Variants in CLCN3 observed in about 807,000 individuals in gnomAD.
CLCN3 encodes Cl-/H+ antiporter 3, also known as H(+)/Cl(-) exchange transporter 3.
CLCN3 carries 16 observed loss-of-function variants against 83.4 expected under a neutral mutation model. The ratio of observed to expected loss-of-function variants is 0.19; its 90% CI spans 0.13 to 0.29. The LOEUF is 0.29. Among genes scored for constraint, CLCN3 ranks in the 10% least tolerant of loss-of-function variants. The pLI, the probability that CLCN3 is intolerant of heterozygous loss-of-function variation, is 1.00. For missense variants in CLCN3, 544 were observed against 1,006.0 expected (o/e 0.54, Z 6.21); for synonymous variants, 322 against 346.2 (o/e 0.93, Z 0.78).
intron 6 of CLCN3, among the ~76,000 whole-genome samples, chr4:169,691,427 G>C (rs558317603): frequency 2.0e-4 from 31 of 152,096 alleles, no homozygotes; most frequent in Middle Eastern, 6.8e-3. Context: ...AATCACAGTG[G>C]GTCAACAGTA....
chr4:169,663,959 T>A (rs551194597), intron 2 of CLCN3, among the ~76,000 whole-genome samples: 242 of 152,288 alleles, frequency 1.6e-3, no homozygotes, highest in Non-Finnish European at 2.7e-3. Context: ...TCCCCCAAAG[T>A]CCCAAGAACA....
rs528635196 is a variant in CLCN3 at position 169,640,850 on chromosome 4, G to T, written c.160+4762G>T. On this transcript the variant is annotated intron_variant, in intron 2 of 12. Transcript: ENST00000513761. ...GATTGACTGATGGGGTAAAAACTGT[G>T]ATCAGCCATGTTTAAGCAAATTAAC... is the stretch of plus-strand genomic sequence containing the variant. Among the ~76,000 whole-genome samples, 8 of 152,274 alleles carry T rather than the reference G, an allele frequency of 5.3e-5. No homozygotes were observed. In the South Asian group the frequency reaches 1.2e-3, roughly 24 times the overall value.
intron 3 of CLCN3, among the ~76,000 whole-genome samples, chr4:169,683,798 C>G (rs1732043902): frequency 2.7e-5 from 4 of 148,006 alleles, no homozygotes; most frequent in Admixed American, 2.0e-4. Context: ...GGCTGAAGTT[C>G]AGTGGTGCGA....
At chr4:169,647,217 C>G (rs1385165235) in intron 2 of CLCN3, among the ~76,000 whole-genome samples, 1 of 152,220 alleles carries the variant, frequency 6.6e-6, no homozygotes, top group East Asian at 1.9e-4. Flanking sequence ...TGGCGAAACC[C>G]TGTCTCTACA....
At chr4:169,679,773 C>G (rs542236276) in intron 2 of CLCN3, among the ~76,000 whole-genome samples, 215 of 152,268 alleles carry the variant, frequency 1.4e-3, no homozygotes, top group African/African-American at 4.9e-3. Flanking sequence ...GCCTGCAATC[C>G]CAGGCACTCG....
In CLCN3 at chr4:169,660,305, A is replaced by C. The variant is rs1731008480; in HGVS notation, c.161-19745A>C. Reference sequence around the variant, plus strand: ...CTGCAGCAGGGATGGAAGAAATGTCACTTTCTTTTTAAGCTAGCAAGCTTT... The same window carrying C: ...CTGCAGCAGGGATGGAAGAAATGTCCCTTTCTTTTTAAGCTAGCAAGCTTT... On this transcript the variant is annotated intron_variant, in intron 2 of 12. Coordinates refer to ENST00000513761, the MANE Select transcript of CLCN3 (RefSeq NM_001829.4). The C allele has an allele frequency of 2.1e-5, 28 of 1,340,786 alleles. 1 individual carries two copies. In the South Asian group the frequency reaches 5.2e-4, roughly 25 times the overall value. 83.1% of individuals were successfully genotyped at this position (1,340,786 alleles called of 1,614,324 possible).
At chr4:169,635,838 C>G in intron 1 of CLCN3, 75 bp from the exon 2 acceptor site, 1 of 1,210,424 alleles carries the variant, frequency 8.3e-7, no homozygotes, top group Non-Finnish European at 1.1e-6. Flanking sequence ...TCATAACTTT[C>G]CTTTTGTGAT....
chr4:169,655,086 A>G (rs1444463742), intron 2 of CLCN3, among the ~76,000 whole-genome samples: 5 of 152,140 alleles, frequency 3.3e-5, no homozygotes, highest in African/African-American at 9.6e-5. Flanking sequence ...ATTTCTAATT[A>G]TAGTTTTTTA....
At position 169,696,712 on chromosome 4, in the gene CLCN3, T is replaced by G. The variant is rs371130497; in HGVS notation, c.1018-477T>G. On this transcript the variant is annotated intron_variant, in intron 8 of 12. Coordinates refer to ENST00000513761, the MANE Select transcript of CLCN3 (RefSeq NM_001829.4). ...TTTCCCTGTTCACCTCCCCAACCCC[T>G]AGCCTCTGGTAACCCCTATTCTACT... Among the ~76,000 whole-genome samples the G allele has an allele frequency of 2.0e-4, 30 of 152,138 alleles. 1 individual carries two copies. In the South Asian group the frequency reaches 6.2e-3, roughly 32 times the overall value.
At chr4:169,700,473 G>T (rs1354437772) in intron 9 of CLCN3, among the ~76,000 whole-genome samples, 1 of 152,104 alleles carries the variant, frequency 6.6e-6, no homozygotes, top group Non-Finnish European at 1.5e-5. Flanking sequence ...GGCCAGGCTG[G>T]TCTGGAACTC....
intron 2 of CLCN3, among the ~76,000 whole-genome samples, chr4:169,650,384 G>A (rs898551480): frequency 2.0e-5 from 3 of 152,164 alleles, no homozygotes; most frequent in African/African-American, 7.2e-5. Context: ...CAAAGGTTAT[G>A]TGTGCGCATA....
chr4:169,669,234 T>A (rs1472047959), intron 2 of CLCN3, among the ~76,000 whole-genome samples: 1 of 152,176 alleles, frequency 6.6e-6, no homozygotes, highest in African/African-American at 2.4e-5. Flanking sequence ...AGAAAAGACT[T>A]AAAATCGTAA....
chr4:169,644,610 T>G (rs1320973720), intron 2 of CLCN3, among the ~76,000 whole-genome samples: 1 of 152,214 alleles, frequency 6.6e-6, no homozygotes, highest in Admixed American at 6.5e-5. Flanking sequence ...GCTGTCTTCC[T>G]CACTATTGCT....
At chr4:169,686,067 G>T (rs936340081) in intron 3 of CLCN3, among the ~76,000 whole-genome samples, 54 of 151,930 alleles carry the variant, frequency 3.6e-4, no homozygotes, top group Non-Finnish European at 2.9e-5. Flanking sequence ...GCAAACTGTC[G>T]CAAGGACAAA....
intron 7 of CLCN3, 87 bp from the exon 8 acceptor site, chr4:169,695,525 T>C: frequency 1.1e-6 from 1 of 952,102 alleles, no homozygotes; most frequent in East Asian, 2.4e-5. Flanking sequence ...GAAAATCCAT[T>C]TGGAAAATTC....
chr4:169,712,048 A>C (rs1733239936), intron 11 of CLCN3, among the ~76,000 whole-genome samples: 1 of 137,002 alleles, frequency 7.3e-6, no homozygotes. Flanking sequence ...TTTTTTGTAG[A>C]AGCAAGGTTT....
chr4:169,662,649 T>C (rs911633719), intron 2 of CLCN3: 1 of 152,204 alleles, frequency 6.6e-6, no homozygotes, highest in African/African-American at 2.4e-5. Context: ...AGTAAATCCC[T>C]GAGTGCTATA....
In CLCN3 at chr4:169,697,425, C is replaced by T. The variant is rs1732607494; in HGVS notation, c.1254C>T (p.Arg418=). The change falls in exon 9 of 13, where the codon CGC becomes CGT. Residue 418 remains arginine (R), a synonymous_variant. Coordinates refer to ENST00000513761, the MANE Select transcript of CLCN3 (RefSeq NM_001829.4). ...IRANIAWCRR[R]KSTKFGKYPV... is the part of the protein sequence containing the mutation. ...CAAATATTGCCTGGTGTCGTCGACG[C>T]AAGTCCACGAAATTTGGAAAGTATC... 1.9e-6 allele frequency: 3 copies of T among 1,614,152 alleles called. No homozygotes were observed.
At position 169,697,349 on chromosome 4, in the gene CLCN3, T is replaced by C; in HGVS notation, c.1178T>C (p.Phe393Ser). 1 of 1,614,160 alleles carries C rather than the reference T, an allele frequency of 6.2e-7. No individual in the cohort carries two copies. The change falls in exon 9 of 13, where the codon TTT (phenylalanine) becomes TCT (serine). Residue 393 changes from phenylalanine to serine, a missense_variant. Phe to Ser is a radical substitution (Grantham distance 155, BLOSUM62 -2). Around this residue, in one of 6 missense-constraint regions of CLCN3, gnomAD observed 194 missense variants for 341.4 expected, o/e 0.57. Transcript: ENST00000513761. ...TPWYLFELFP[F>S]ILLGVFGGLW... ...TGGTACCTTTTTGAACTGTTTCCTT[T>C]TATTCTTCTAGGGGTATTTGGAGGG...
Sources: allele counts gnomAD v4.1 joint callset (sites outside exome capture counted in the v4.1 genomes callset), GRCh38; gene constraint gnomAD v4.1.1; regional missense constraint gnomAD v4.1.1; transcripts MANE v1.5; gene names NCBI Gene and HGNC (gene_info 2026-07-23, HGNC 2026-07-21).